The following ADAMTS10 variants were observed in gnomAD, a reference collection of about 807,000 sequenced individuals.
ADAMTS10 encodes the protein A disintegrin and metalloproteinase with thrombospondin motifs 10.
In ADAMTS10, 48 loss-of-function variants were observed where a neutral mutation model predicts 135.9. That is an observed-to-expected ratio of 0.35 (90% CI 0.28 to 0.45). The LOEUF (loss-of-function observed/expected upper bound fraction) is 0.45. ADAMTS10 is among the 20% of genes least tolerant of loss of function. The pLI, the probability that ADAMTS10 is intolerant of heterozygous loss-of-function variation, is 1.00. For synonymous variants in ADAMTS10, 621 were observed against 647.5 expected (o/e 0.96, Z 0.62); for missense variants, 1,131 against 1,565.2 (o/e 0.72, Z 4.68).
intron 25 of ADAMTS10, among the ~76,000 whole-genome samples, chr19:8,582,910 A>G (rs2042373316): frequency 1.3e-5 from 2 of 152,040 alleles, no homozygotes; most frequent in African/African-American, 4.8e-5. Context: ...TTGGCCTCCC[A>G]TTGTGTTGGG....
At chr19:8,581,095 C>T (rs2042340062) in intron 25 of ADAMTS10, 93 bp from the exon 26 acceptor site, 4 of 463,734 alleles carry the variant, frequency 8.6e-6, no homozygotes, top group South Asian at 2.8e-5. Context: ...TGGCCAGTGA[C>T]TTTCTGTGCC....
chr19:8,594,279 T>TA (rs1435312582), intron 12 of ADAMTS10, among the ~76,000 whole-genome samples: 15 of 152,194 alleles, frequency 9.9e-5, no homozygotes, highest in African/African-American at 3.4e-4. Context: ...ATGGGCAGCC[T>TA]AATGCCTGTC....
chr19:8,586,355 T>C lies in ADAMTS10; in HGVS notation c.2519A>G (p.Gln840Arg). ...HYAPWTKCSA[Q>R]CAGGSQVQAV... ...ACCCCCGGCCTCACCGCCTGCACAC[T>C]GGGCCGAGCACTTGGTCCAGGGCGC... is the stretch of plus-strand genomic sequence containing the variant. Residue 840 changes from glutamine to arginine, a missense_variant, in exon 21 of 26, where the codon CAG becomes CGG. By Grantham distance (43) the Gln-to-Arg change is conservative (BLOSUM62 1). Transcript: ENST00000597188. 1 of 1,613,632 alleles carries C rather than the reference T, an allele frequency of 6.2e-7. No individual in the cohort carries two copies. Among genetic ancestry groups the C allele is most frequent in the South Asian group, 1.1e-5 (1 of 91,070 alleles).
At chr19:8,590,250 G>T (rs1351530260) in intron 15 of ADAMTS10, among the ~76,000 whole-genome samples, 1 of 152,018 alleles carries the variant, frequency 6.6e-6, no homozygotes, top group African/African-American at 2.4e-5. Context: ...CTGGTTCCAG[G>T]CTATGGAATC....
intron 4 of ADAMTS10, among the ~76,000 whole-genome samples, 176 bp from the exon 5 acceptor site, chr19:8,604,060 C>A (rs376022861): frequency 1.1e-4 from 14 of 132,276 alleles, no homozygotes; most frequent in East Asian, 8.6e-4. Flanking sequence ...TTATTTATTT[C>A]TTCTTTTGGA....
intron 25 of ADAMTS10, among the ~76,000 whole-genome samples, chr19:8,581,591 T>C (rs1555735886): frequency 6.6e-6 from 1 of 151,886 alleles, no homozygotes; most frequent in Admixed American, 6.6e-5. Context: ...TCTCAGCACT[T>C]TGGGAGGCCG....
At chr19:8,598,294 C>T (rs1394496017) in intron 6 of ADAMTS10, among the ~76,000 whole-genome samples, 1 of 151,952 alleles carries the variant, frequency 6.6e-6, no homozygotes, top group Non-Finnish European at 1.5e-5. Context: ...GTCCCCCAAC[C>T]CCTGCTTACC....
intron 12 of ADAMTS10, among the ~76,000 whole-genome samples, chr19:8,593,917 T>C (rs1461080735): frequency 2.6e-5 from 4 of 152,198 alleles, no homozygotes; most frequent in African/African-American, 7.2e-5. Context: ...GAAAGGACCC[T>C]TCCTAGGTCA....
rs1205165037 is a variant in ADAMTS10 at position 8,580,635 on chromosome 19, C to T, written c.*258G>A. ...GGGTGCTGGGGTGAACAGCTGTCCC[C>T]TCCCCAGACCCACCCTGGAGGGGGG... On this transcript the variant is annotated 3_prime_UTR_variant, in exon 26 of 26. Coordinates refer to ENST00000597188, the MANE Select transcript of ADAMTS10 (RefSeq NM_030957.4). 1 of 479,512 alleles carries T rather than the reference C, an allele frequency of 2.1e-6. No homozygotes were observed. The highest frequency in any genetic ancestry group is 3.8e-6 in the Non-Finnish European group (1 of 260,546). The allele number at this position is 479,512 out of a possible 1,614,324, so 29.7% of individuals were successfully genotyped here. A position where few individuals can be genotyped will look rare whatever the true frequency, so the allele number is the denominator to read the frequency against.
Position 8,596,321 on chromosome 19 carries a change from G to A in ADAMTS10, c.1176C>T (p.His392=), listed in dbSNP as rs371013844. ...IGLATAFTIA[H]EIGHTFGMNH... ...CCTGGCCTCACGTGTGCCCGATCTC[G>A]TGGGCAATGGTGAACGCTGTGGCCA... Residue 392 remains histidine, a synonymous_variant, in exon 10 of 26, where the codon CAC becomes CAT. Transcript: ENST00000597188. This position sits in a 1 kb window ranked among gnomAD's most constrained non-coding sequence, Gnocchi z 7.2. The A allele has an allele frequency of 7.6e-5, 122 of 1,612,654 alleles. No homozygotes were observed. The highest frequency in any genetic ancestry group is 1.6e-4 in the South Asian group (15 of 91,030).
chr19:8,591,448 T>TG (rs1217954210), intron 15 of ADAMTS10, among the ~76,000 whole-genome samples: 9 of 100,300 alleles, frequency 9.0e-5, no homozygotes, highest in South Asian at 2.9e-4. Context: ...TTTTGTTTTT[T>TG]TTTTTTTTTT....
intron 12 of ADAMTS10, 162 bp from the exon 13 acceptor site, chr19:8,593,032 C>G: frequency 1.5e-6 from 1 of 685,288 alleles, no homozygotes; most frequent in Non-Finnish European, 2.6e-6. Context: ...CATCCCCTTG[C>G]GGGGCATGGC....
chr19:8,583,107 T>G (rs1568390259), intron 25 of ADAMTS10, among the ~76,000 whole-genome samples: 1 of 151,910 alleles, frequency 6.6e-6, no homozygotes, highest in Non-Finnish European at 1.5e-5. Flanking sequence ...TTATTGCATC[T>G]CCCTTCTGGG....
chr19:8,592,676 AG>A, intron 13 of ADAMTS10, 86 bp downstream of exon 13: 1 of 1,343,150 alleles, frequency 7.4e-7, no homozygotes, highest in South Asian at 1.2e-5. Context: ...AGCAGATAAT[AG>A]GCCGAAGGAC....
Position 8,605,499 on chromosome 19 carries a change from T to C in ADAMTS10, c.88+124A>G, listed in dbSNP as rs1238020333. On this transcript the variant is annotated intron_variant, in intron 3 of 25. Coordinates refer to ENST00000597188, the MANE Select transcript of ADAMTS10 (RefSeq NM_030957.4). The surrounding 1 kb of genome is among the most constrained non-coding windows in gnomAD (Gnocchi z 7.7). ...GAGTTGGCTGCAAGGCTCCCGCCTA[T>C]TGACCCCAGGGCCTTCCCCCATTGA... is the stretch of plus-strand genomic sequence containing the variant. The C allele has an allele frequency of 1.4e-6, 2 of 1,478,140 alleles. No individual in the cohort carries two copies. The highest frequency in any genetic ancestry group is 1.8e-6 in the Non-Finnish European group (2 of 1,089,692). 91.6% of individuals were successfully genotyped at this position (1,478,140 alleles called of 1,614,324 possible). A position where few individuals can be genotyped will look rare whatever the true frequency, so the allele number is the denominator to read the frequency against.
chr19:8,605,630 C>A lies in ADAMTS10; in HGVS notation c.81G>T (p.Arg27=), dbSNP rs782473836. The A allele has an allele frequency of 2.5e-6, 4 of 1,613,660 alleles. No homozygotes were observed. The highest frequency in any genetic ancestry group is 1.1e-5 in the South Asian group (1 of 91,012). The change falls in exon 3 of 26, where the codon CGG becomes CGT. Residue 27 remains arginine, a synonymous_variant. Transcript: ENST00000597188. The surrounding 1 kb of genome is among the most constrained non-coding windows in gnomAD (Gnocchi z 7.7). ...CCACCAGACTTCCCCTACCTTGAGACCGGAAGGCGTGCGTGACCTCGAACA... is the reference window on the plus strand; with the variant it reads ...CCACCAGACTTCCCCTACCTTGAGAACGGAAGGCGTGCGTGACCTCGAACA... ...GLMFEVTHAF[R]SQDEFLSSLE... is the part of the protein sequence containing the mutation.
At chr19:8,584,058 G>A (rs1555736293) in intron 25 of ADAMTS10, among the ~76,000 whole-genome samples, 1 of 149,262 alleles carries the variant, frequency 6.7e-6, no homozygotes. Flanking sequence ...TCAGCAGGCT[G>A]AGGCAGGAGA....
chr19:8,588,927 G>T (rs1375335052), intron 18 of ADAMTS10, among the ~76,000 whole-genome samples: 1 of 152,050 alleles, frequency 6.6e-6, no homozygotes, highest in Admixed American at 6.6e-5. Flanking sequence ...GAGTAGCTGG[G>T]ATTACAGGTG....
In ADAMTS10 at chr19:8,603,870, C is replaced by T. The variant is rs1196508817; in HGVS notation, c.450G>A (p.Val150=). The change falls in exon 5 of 26, where the codon GTG becomes GTA. Residue 150 remains valine (V), a synonymous_variant. Coordinates refer to ENST00000597188, the MANE Select transcript of ADAMTS10 (RefSeq NM_030957.4). ...STCGGLHGLI[V]ADEEEYLIEP... is the part of the protein sequence containing the mutation. ...CAATCAGGTACTCTTCCTCGTCTGC[C>T]ACGATCAGGCCGTGCTGGGTTTTGA... is the stretch of plus-strand genomic sequence containing the variant. 1.2e-5 allele frequency: 20 copies of T among 1,611,778 alleles called. No individual in the cohort carries two copies. Among genetic ancestry groups the T allele is most frequent in the Non-Finnish European group, 1.6e-5 (19 of 1,178,256 alleles).
Sources: allele counts gnomAD v4.1 joint callset (sites outside exome capture counted in the v4.1 genomes callset), GRCh38; gene constraint gnomAD v4.1.1; non-coding constraint Gnocchi (gnomAD v3.1); transcripts MANE v1.5; gene names NCBI Gene and HGNC (gene_info 2026-07-23, HGNC 2026-07-21).